IL16: variants seen among roughly 807,000 people sequenced by gnomAD.
The protein encoded by IL16 is interleukin 16.
Under a neutral mutation model 110.1 loss-of-function variants are expected in IL16, and 67 were observed. That is an observed-to-expected ratio of 0.61 (90% CI 0.50 to 0.75). The LOEUF (loss-of-function observed/expected upper bound fraction) is 0.75. IL16 is among the 30% of genes least tolerant of loss of function. The probability of loss-of-function intolerance (pLI) is 0.00; values close to 1 mark genes in which losing one functional copy is unlikely to be tolerated. For missense variants in IL16, 1,545 were observed against 1,655.0 expected (o/e 0.93, Z 1.15); for synonymous variants, 689 against 662.9 (o/e 1.04, Z -0.61).
At chr15:81,245,084 C>T (rs1897490856) in intron 2 of IL16, among the ~76,000 whole-genome samples, 1 of 152,120 alleles carries the variant, frequency 6.6e-6, no homozygotes, top group Non-Finnish European at 1.5e-5. Context: ...TTATTTAAAA[C>T]ATTTTATGAC....
At chr15:81,268,686 T>C (rs1898500689) in intron 4 of IL16, among the ~76,000 whole-genome samples, 1 of 152,262 alleles carries the variant, frequency 6.6e-6, no homozygotes, top group Non-Finnish European at 1.5e-5. Context: ...AGCCCCAGAC[T>C]CTTTCCAAAT....
At position 81,308,718 on chromosome 15, in the gene IL16, C is replaced by G. The variant is rs1900698703; in HGVS notation, c.3919C>G (p.Leu1307Val). Reference sequence around the variant, plus strand: ...TGAAGCCTGGAACATCATCAAGGCACTGCCTGATGGACCTGTCACGATTGT... The same window carrying G: ...TGAAGCCTGGAACATCATCAAGGCAGTGCCTGATGGACCTGTCACGATTGT... ...RFEAWNIIKALPDGPVTIVIR... is the reference protein window; with the variant it reads ...RFEAWNIIKAVPDGPVTIVIR... The change falls in exon 19 of 19, where the codon CTG becomes GTG. Residue 1307 changes from leucine (L) to valine (V), a missense_variant. By Grantham distance (32) the Leu-to-Val change is conservative. This residue lies in a region of IL16 where 356 missense variants were observed against 399.3 expected (regional missense o/e 0.89). Transcript: ENST00000683961. The G allele has an allele frequency of 1.9e-6, 3 of 1,613,982 alleles. No individual in the cohort carries two copies. In the Admixed American group the frequency reaches 5.0e-5, roughly 27 times the overall value.
rs945964377 is a variant in IL16 at position 81,310,429 on chromosome 15, G to C, written c.*1631G>C. 1.3e-5 allele frequency: 2 copies of C among 152,160 alleles called. No homozygotes were observed. Among genetic ancestry groups the C allele is most frequent in the African/African-American group, 4.8e-5 (2 of 41,440 alleles). The allele number at this position is 152,160 out of a possible 1,614,324, so 9.4% of individuals were successfully genotyped here. On this transcript the variant is annotated 3_prime_UTR_variant, in exon 19 of 19. Coordinates refer to ENST00000683961, the MANE Select transcript of IL16 (RefSeq NM_172217.5). ...GAATAATGGGCTTAGAGCAGTTTCT[G>C]TCCTGCTGGTTAACTTGTTTGGCCT...
At position 81,300,306 on chromosome 15, in the gene IL16, GT is replaced by G; in HGVS notation, c.2981del (p.Val994GlyfsTer6). On this transcript the variant is annotated frameshift_variant, in exon 14 of 19. Coordinates refer to ENST00000683961, the MANE Select transcript of IL16 (RefSeq NM_172217.5). LOFTEE classifies it high-confidence loss of function. Reference protein sequence around the residue: ...TSKLYSISSQVSSAVMKSLLC... With the variant: ...TSKLYSISSQXSSAVMKSLLC... The stretch of plus-strand genomic sequence containing the variant: ...CAAACTCTATTCTATCAGCAGCCAA[GT>G]GTCATCGGCTGTCATGAAATCCTTG... 7 of 1,614,200 alleles carry G rather than the reference GT, an allele frequency of 4.3e-6. No individual in the cohort carries two copies. The highest frequency in any genetic ancestry group is 5.1e-6 in the Non-Finnish European group (6 of 1,180,034).
intron 1 of IL16, among the ~76,000 whole-genome samples, chr15:81,204,891 G>A (rs916586586): frequency 1.3e-5 from 2 of 152,144 alleles, no homozygotes; most frequent in Non-Finnish European, 2.9e-5. Context: ...AGATAGGGCA[G>A]AGCAAGAGCC....
In IL16 at chr15:81,311,244, G is replaced by A. The variant is rs1900836525; in HGVS notation, c.*2446G>A. On this transcript the variant is annotated 3_prime_UTR_variant, in exon 19 of 19. Coordinates refer to ENST00000683961, the MANE Select transcript of IL16 (RefSeq NM_172217.5). ...AGTCGTCTTAACTCACCATAAAAAGGAATCCACTCCCAGGCAGCCCTACTT... is the reference window on the plus strand; with the variant it reads ...AGTCGTCTTAACTCACCATAAAAAGAAATCCACTCCCAGGCAGCCCTACTT... 6.6e-6 allele frequency: 1 copy of A among 152,204 alleles called. No homozygotes were observed. Among genetic ancestry groups the A allele is most frequent in the African/African-American group, 2.4e-5 (1 of 41,444 alleles). 9.4% of individuals were successfully genotyped at this position (152,204 alleles called of 1,614,324 possible).
At chr15:81,269,484 T>C in intron 4 of IL16, 54 bp from the exon 5 acceptor site, 8 of 1,193,082 alleles carry the variant, frequency 6.7e-6, no homozygotes, top group Non-Finnish European at 8.8e-6. Flanking sequence ...TTGTGAGGCA[T>C]GTGCTGCTGT....
chr15:81,186,425 G>T (rs1056445601), intron 1 of IL16, among the ~76,000 whole-genome samples: 4 of 152,116 alleles, frequency 2.6e-5, no homozygotes, highest in African/African-American at 9.7e-5. Context: ...TTAGTAAGCA[G>T]TATGCAGCTG....
At chr15:81,268,568 G>T (rs1201888159) in intron 4 of IL16, among the ~76,000 whole-genome samples, 1 of 152,264 alleles carries the variant, frequency 6.6e-6, no homozygotes, top group Non-Finnish European at 1.5e-5. Context: ...CGGGATCCTG[G>T]TTCTGCCTTG....
intron 5 of IL16, among the ~76,000 whole-genome samples, chr15:81,272,070 G>A (rs1439104364): frequency 6.6e-6 from 1 of 152,244 alleles, no homozygotes; most frequent in Non-Finnish European, 1.5e-5. Flanking sequence ...GCCTCCAGGT[G>A]CATTTATGCC....
intron 1 of IL16, among the ~76,000 whole-genome samples, chr15:81,216,624 G>T (rs368463668): frequency 1.3e-4 from 20 of 151,538 alleles, no homozygotes; most frequent in African/African-American, 4.6e-4. Flanking sequence ...CCACCATCCA[G>T]CTGGGCCACA....
intron 1 of IL16, among the ~76,000 whole-genome samples, chr15:81,208,932 A>G (rs569749624): frequency 1.2e-4 from 18 of 152,318 alleles, no homozygotes; most frequent in African/African-American, 4.3e-4. Flanking sequence ...AATAGTATAT[A>G]TCTCATATGG....
chr15:81,290,259 CT>C (rs1899648742), intron 10 of IL16, among the ~76,000 whole-genome samples, 193 bp from the exon 11 acceptor site: 1 of 152,166 alleles, frequency 6.6e-6, no homozygotes, highest in Non-Finnish European at 1.5e-5. Flanking sequence ...AGACTTTGGA[CT>C]TTATCTAGAA....
chr15:81,275,364 GGGGAGGGGAGGGGA>G (rs1158394974), intron 6 of IL16, among the ~76,000 whole-genome samples: 5,261 of 62,732 alleles, frequency 0.084, 898 homozygotes, highest in African/African-American at 0.32. Flanking sequence ...GGAGGAGGGG[GGGGAGGGGAGGGGA>G]GGGGAGGGGA....
At chr15:81,266,531 C>T (rs768493664) in intron 4 of IL16, among the ~76,000 whole-genome samples, 2 of 152,204 alleles carry the variant, frequency 1.3e-5, no homozygotes, top group Non-Finnish European at 2.9e-5. Flanking sequence ...ACCCTACACA[C>T]GTCCCACCAG....
At chr15:81,236,768 C>T (rs947401351) in intron 2 of IL16, among the ~76,000 whole-genome samples, 5 of 140,958 alleles carry the variant, frequency 3.5e-5, no homozygotes, top group Non-Finnish European at 6.1e-5. Flanking sequence ...CCAGCCTGGC[C>T]AACATGGCAA....
chr15:81,225,680 G>A lies in IL16; in HGVS notation c.281G>A (p.Gly94Asp), dbSNP rs1193387661. 1 of 1,613,294 alleles carries A rather than the reference G, an allele frequency of 6.2e-7. No homozygotes were observed. The highest frequency in any genetic ancestry group is 2.2e-5 in the East Asian group (1 of 44,850). Residue 94 changes from glycine to aspartate, a missense_variant, in exon 2 of 19, where the codon GGC (glycine) becomes GAC (aspartate). Around this residue, in one of 3 missense-constraint regions of IL16, gnomAD observed 1,185 missense variants for 1,238.8 expected, o/e 0.96. Coordinates refer to ENST00000683961, the MANE Select transcript of IL16 (RefSeq NM_172217.5). ...AQLQAAGNDR[G>D]KTCRRIFFMK... ...CTCCAAGCAGCTGGGAATGATCGAGGCAAGACCTGTAGGAGGATATTCTTC... is the reference window on the plus strand; with the variant it reads ...CTCCAAGCAGCTGGGAATGATCGAGACAAGACCTGTAGGAGGATATTCTTC...
intron 6 of IL16, among the ~76,000 whole-genome samples, chr15:81,277,077 C>CA (rs567677800): frequency 6.7e-6 from 1 of 149,868 alleles, no homozygotes; most frequent in South Asian, 2.1e-4. Flanking sequence ...TGGAAATGAG[C>CA]AAAAAAAGCA....
chr15:81,215,213 A>G (rs74030023), intron 1 of IL16, among the ~76,000 whole-genome samples: 7,806 of 152,248 alleles, frequency 0.051, 687 homozygotes, highest in African/African-American at 0.18. Flanking sequence ...AAATTGCCAG[A>G]GTTGTAACTG....
Sources: allele counts gnomAD v4.1 joint callset (sites outside exome capture counted in the v4.1 genomes callset), GRCh38; gene constraint gnomAD v4.1.1; regional missense constraint gnomAD v4.1.1; transcripts MANE v1.5; gene names NCBI Gene and HGNC (gene_info 2026-07-23, HGNC 2026-07-21).